TEAD1: variants seen among roughly 807,000 people sequenced by gnomAD.
TEAD1 encodes the protein transcriptional enhancer factor TEF-1.
In TEAD1, 9 loss-of-function variants were observed where a neutral mutation model predicts 54.9. The observed-to-expected ratio is 0.16, with a 90% CI of 0.10 to 0.29. The LOEUF is 0.29. Ranked by LOEUF, TEAD1 falls within the 10% of genes least tolerant of loss-of-function variation. The pLI is 1.00. For missense variants in TEAD1, 387 were observed against 535.9 expected (o/e 0.72, Z 2.74); for synonymous variants, 200 against 187.8 (o/e 1.07, Z -0.53).
rs12798544 is a variant in TEAD1, at chr11:12,884,009, A to G, written c.699+884A>G. 3.4e-5 allele frequency among the ~76,000 whole-genome samples: 5 copies of G among 148,548 alleles called. No individual in the cohort carries two copies. The South Asian group carries it at 1.1e-3, about 32-fold the overall frequency. On this transcript the variant is annotated intron_variant, in intron 9 of 12. Transcript: ENST00000527636. Reference sequence around the variant, plus strand: ...ACTCCGTCTCAAAAAAAAAAAAAAAAGAAGAAGTAACAAAATGGCACTTTA... The same window carrying G: ...ACTCCGTCTCAAAAAAAAAAAAAAAGGAAGAAGTAACAAAATGGCACTTTA...
At chr11:12,788,093 G>T (rs774472907) in intron 3 of TEAD1, among the ~76,000 whole-genome samples, 29 of 150,880 alleles carry the variant, frequency 1.9e-4, no homozygotes, top group Non-Finnish European at 2.8e-4. Flanking sequence ...TTCCTGAGTA[G>T]CTGGGACCAC....
chr11:12,902,300 A>G (rs552292305), intron 10 of TEAD1, among the ~76,000 whole-genome samples, 187 bp downstream of exon 10: 61 of 152,334 alleles, frequency 4.0e-4, no homozygotes, highest in African/African-American at 1.4e-3. Context: ...ATGCATCCAC[A>G]TGGTGCACCT....
At chr11:12,695,567 G>T (rs1943563382) in intron 2 of TEAD1, among the ~76,000 whole-genome samples, 1 of 152,172 alleles carries the variant, frequency 6.6e-6, no homozygotes, top group African/African-American at 2.4e-5. Context: ...TAAAATCAAT[G>T]TAAATGGATT....
At chr11:12,685,915 A>G (rs756352932) in intron 2 of TEAD1, among the ~76,000 whole-genome samples, 1 of 152,202 alleles carries the variant, frequency 6.6e-6, no homozygotes, top group Non-Finnish European at 1.5e-5. Context: ...GTGTACCTCA[A>G]GTTTCAGGCT....
chr11:12,823,624 A>G (rs895114271), intron 3 of TEAD1: 1 of 152,026 alleles, frequency 6.6e-6, no homozygotes, highest in African/African-American at 2.4e-5. Flanking sequence ...TGAATAATTT[A>G]TTTTTCCTTC....
intron 3 of TEAD1, among the ~76,000 whole-genome samples, chr11:12,791,677 G>A (rs1437187527): frequency 3.9e-5 from 6 of 152,158 alleles, no homozygotes; most frequent in African/African-American, 1.4e-4. Context: ...CTTTTTGATT[G>A]AGATTTGGGG....
intron 3 of TEAD1, among the ~76,000 whole-genome samples, chr11:12,853,978 A>G (rs1400068278): frequency 4.6e-5 from 7 of 152,172 alleles, no homozygotes; most frequent in African/African-American, 1.2e-4. Context: ...ATGCAGACAC[A>G]TATTATCTCC....
chr11:12,851,464 C>T (rs7936980), intron 3 of TEAD1, among the ~76,000 whole-genome samples: 152,236 of 152,354 alleles, frequency 1, 76,059 homozygotes, highest in Non-Finnish European at 1. Flanking sequence ...CTCAATATCA[C>T]TTTGTAAACT....
chr11:12,765,844 T>C (rs1945197101), intron 3 of TEAD1, among the ~76,000 whole-genome samples: 1 of 152,196 alleles, frequency 6.6e-6, no homozygotes, highest in African/African-American at 2.4e-5. Flanking sequence ...TCAGCTACTA[T>C]GGGAAGAGTG....
At chr11:12,797,182 A>G (rs1590161367) in intron 3 of TEAD1, among the ~76,000 whole-genome samples, 1 of 152,374 alleles carries the variant, frequency 6.6e-6, no homozygotes, top group East Asian at 1.9e-4. Context: ...AGTATCCCAG[A>G]TGGTGACCTC....
chr11:12,733,737 T>C (rs1442740145), intron 2 of TEAD1, among the ~76,000 whole-genome samples: 1 of 152,244 alleles, frequency 6.6e-6, no homozygotes, highest in Non-Finnish European at 1.5e-5. Flanking sequence ...TGTGTGAATG[T>C]ATGTACATAT....
intron 2 of TEAD1, among the ~76,000 whole-genome samples, chr11:12,735,772 G>A (rs1944518833): frequency 6.6e-6 from 1 of 152,034 alleles, no homozygotes; most frequent in African/African-American, 2.4e-5. Flanking sequence ...GTTATCTCTT[G>A]GTGTATCTGC....
intron 3 of TEAD1, among the ~76,000 whole-genome samples, chr11:12,847,192 G>C (rs1272455300): frequency 6.6e-6 from 1 of 151,872 alleles, no homozygotes; most frequent in Non-Finnish European, 1.5e-5. Context: ...CTTTCAGGGA[G>C]AGACTCAAGT....
intron 3 of TEAD1, among the ~76,000 whole-genome samples, chr11:12,843,035 G>GA (rs956728691): frequency 5.3e-5 from 8 of 150,742 alleles, no homozygotes; most frequent in African/African-American, 1.2e-4. Context: ...TTGCTTCCAG[G>GA]AAAAAAAAAA....
At chr11:12,741,832 A>G (rs1944656833) in intron 2 of TEAD1, among the ~76,000 whole-genome samples, 1 of 152,222 alleles carries the variant, frequency 6.6e-6, no homozygotes, top group South Asian at 2.1e-4. Context: ...GCCGTGTGCC[A>G]GAGCTCCTGG....
intron 2 of TEAD1, among the ~76,000 whole-genome samples, chr11:12,678,308 C>A (rs142144920): frequency 6.6e-6 from 1 of 152,216 alleles, no homozygotes; most frequent in Admixed American, 6.5e-5. Context: ...CTTTTGGACT[C>A]AGCCAGAAAA....
intron 3 of TEAD1, among the ~76,000 whole-genome samples, chr11:12,840,557 G>T (rs1947014919): frequency 6.6e-6 from 1 of 152,092 alleles, no homozygotes; most frequent in African/African-American, 2.4e-5. Flanking sequence ...GAAATAAATG[G>T]CCGTGTCTTA....
intron 2 of TEAD1, among the ~76,000 whole-genome samples, chr11:12,715,850 G>A (rs1026020082): frequency 6.6e-6 from 1 of 151,970 alleles, no homozygotes; most frequent in African/African-American, 2.4e-5. Flanking sequence ...ATTTAAGGGG[G>A]CATACCATTT....
rs372138296 is a variant in TEAD1 at position 12,699,486 on chromosome 11, T to C, written c.-55+23925T>C. 7.2e-5 allele frequency among the ~76,000 whole-genome samples: 11 copies of C among 152,250 alleles called. 1 individual carries two copies. The highest frequency in any genetic ancestry group is 2.6e-4 in the Admixed American group (4 of 15,288). On this transcript the variant is annotated intron_variant, in intron 2 of 12. Transcript: ENST00000527636. ...TCTAAATTATATACACCAATAGTAC[T>C]TCAGAGCATTTTTCAGTTAGAGTCA... is the stretch of plus-strand genomic sequence containing the variant.
Sources: allele counts gnomAD v4.1 joint callset (sites outside exome capture counted in the v4.1 genomes callset), GRCh38; gene constraint gnomAD v4.1.1; transcripts MANE v1.5; gene names NCBI Gene and HGNC (gene_info 2026-07-23, HGNC 2026-07-21).